Variants in CCDC178 observed in about 807,000 individuals in gnomAD.
The protein encoded by CCDC178 is coiled-coil domain containing 178.
CCDC178 carries 126 observed loss-of-function variants against 117.4 expected under a neutral mutation model. The observed-to-expected ratio is 1.07, with a 90% CI of 0.93 to 1.24. The LOEUF (loss-of-function observed/expected upper bound fraction) is 1.24, where lower values mean the gene tolerates loss of function less well. Among genes scored for constraint, CCDC178 ranks in the 50% most tolerant of loss-of-function variants. The pLI, the probability that CCDC178 is intolerant of heterozygous loss-of-function variation, is 0.00. For synonymous variants in CCDC178, 283 were observed against 313.4 expected (o/e 0.90, Z 1.02); for missense variants, 1,030 against 986.9 (o/e 1.04, Z -0.59).
chr18:33,179,085 A>ATATATATATATATATATATAAAC (rs2058699899), intron 20 of CCDC178, among the ~76,000 whole-genome samples: 1 of 96,814 alleles, frequency 1.0e-5, no homozygotes, highest in Non-Finnish European at 2.0e-5. Context: ...AAAAATATAT[A>ATATATATATATATATATATAAAC]TATATATATA....
intron 21 of CCDC178, among the ~76,000 whole-genome samples, chr18:33,068,135 G>C (rs1459718951): frequency 6.6e-6 from 1 of 151,944 alleles, no homozygotes; most frequent in Non-Finnish European, 1.5e-5. Context: ...TAGAAAACGT[G>C]AACAGATCAA....
At chr18:33,426,545 C>T (rs2064127799) in intron 2 of CCDC178, among the ~76,000 whole-genome samples, 2 of 152,206 alleles carry the variant, frequency 1.3e-5, no homozygotes, top group African/African-American at 4.8e-5. Flanking sequence ...CCACACCAGT[C>T]ATTAAGACAA....
chr18:33,286,964 T>C (rs959493443), intron 12 of CCDC178, among the ~76,000 whole-genome samples: 60 of 152,202 alleles, frequency 3.9e-4, no homozygotes, highest in African/African-American at 1.3e-3. Flanking sequence ...AAATTCTTTG[T>C]TTTACATTTA....
chr18:33,133,964 A>T (rs1463982786), intron 20 of CCDC178, among the ~76,000 whole-genome samples: 1 of 151,934 alleles, frequency 6.6e-6, no homozygotes, highest in Non-Finnish European at 1.5e-5. Context: ...CAAAGAGGAA[A>T]ATCATTAAGT....
chr18:33,307,741 C>T (rs1373548497), intron 11 of CCDC178, among the ~76,000 whole-genome samples: 1 of 152,150 alleles, frequency 6.6e-6, no homozygotes, highest in Non-Finnish European at 1.5e-5. Context: ...GATGTGGTGC[C>T]CTGCATCCCA....
chr18:33,103,725 G>C (rs1038960068), intron 20 of CCDC178, among the ~76,000 whole-genome samples: 4 of 151,684 alleles, frequency 2.6e-5, no homozygotes, highest in African/African-American at 9.7e-5. Flanking sequence ...AATTAAAAGT[G>C]GTTCATAGAG....
At chr18:33,038,022 C>T (rs1029307905) in intron 21 of CCDC178, among the ~76,000 whole-genome samples, 1 of 151,838 alleles carries the variant, frequency 6.6e-6, no homozygotes, top group African/African-American at 2.4e-5. Flanking sequence ...TTAATTATTG[C>T]AAATTATGGA....
chr18:33,286,933 C>T (rs1329041809), intron 12 of CCDC178, among the ~76,000 whole-genome samples: 1 of 151,974 alleles, frequency 6.6e-6, no homozygotes. Context: ...AGACAATAAA[C>T]ATGGGAAAGG....
chr18:33,371,782 T>TAC (rs769582307), intron 5 of CCDC178, among the ~76,000 whole-genome samples: 1,429 of 53,562 alleles, frequency 0.027, 15 homozygotes, highest in Middle Eastern at 0.076. Flanking sequence ...CATAAACATA[T>TAC]ATACACACAC....
chr18:33,229,882 T>C (rs2059350906), intron 15 of CCDC178, among the ~76,000 whole-genome samples: 1 of 152,190 alleles, frequency 6.6e-6, no homozygotes, highest in Non-Finnish European at 1.5e-5. Flanking sequence ...AAATGGAATC[T>C]GCTAGAAACT....
intron 5 of CCDC178, among the ~76,000 whole-genome samples, chr18:33,386,714 C>T (rs751952181): frequency 6.6e-6 from 1 of 151,980 alleles, no homozygotes; most frequent in Non-Finnish European, 1.5e-5. Context: ...AAGGAACATA[C>T]CTCAAAATAA....
chr18:32,975,336 G>T (rs1185215928), intron 21 of CCDC178, among the ~76,000 whole-genome samples: 1 of 152,276 alleles, frequency 6.6e-6, no homozygotes, highest in South Asian at 2.1e-4. Flanking sequence ...TGGATGCGGT[G>T]TTAAGAAGTG....
intron 22 of CCDC178, among the ~76,000 whole-genome samples, chr18:32,964,786 T>C (rs1187536721): frequency 6.6e-6 from 1 of 151,934 alleles, no homozygotes; most frequent in Non-Finnish European, 1.5e-5. Flanking sequence ...CTTCAGAAAA[T>C]ATCCCATAGA....
chr18:32,937,950 T>C lies in CCDC178; in HGVS notation c.*61A>G, dbSNP rs1051962848. The C allele has an allele frequency of 1.8e-5, 24 of 1,298,888 alleles. No homozygotes were observed. Among genetic ancestry groups the C allele is most frequent in the African/African-American group, 4.4e-5 (3 of 67,760 alleles). 80.5% of individuals were successfully genotyped at this position (1,298,888 alleles called of 1,614,324 possible). On this transcript the variant is annotated 3_prime_UTR_variant, in exon 23 of 23. Coordinates refer to ENST00000383096, the MANE Select transcript of CCDC178 (RefSeq NM_001105528.4). The stretch of plus-strand genomic sequence containing the variant: ...AGGTGAATGTCCAATTACACTGTTA[T>C]CTGAACTGTGTGACTTTTCTTGTCT...
chr18:33,293,344 C>T (rs762968731), intron 11 of CCDC178, 32 bp from the exon 12 acceptor site: 1 of 1,303,102 alleles, frequency 7.7e-7, no homozygotes, highest in Non-Finnish European at 1.1e-6. Flanking sequence ...ATTTTATTCA[C>T]ATTAAAAGAA....
intron 18 of CCDC178, 37 bp from the exon 19 acceptor site, chr18:33,215,732 C>T (rs1019673291): frequency 7.1e-7 from 1 of 1,401,832 alleles, no homozygotes; most frequent in Non-Finnish European, 9.6e-7. Flanking sequence ...ATTTTAAATA[C>T]TTGGATTTTC....
chr18:33,058,182 G>A (rs919637517), intron 21 of CCDC178, among the ~76,000 whole-genome samples: 1 of 152,004 alleles, frequency 6.6e-6, no homozygotes, highest in Non-Finnish European at 1.5e-5. Context: ...GAAAACATAC[G>A]TCTACACAAA....
chr18:33,332,137 G>A (rs564691837), intron 10 of CCDC178, among the ~76,000 whole-genome samples: 2 of 152,178 alleles, frequency 1.3e-5, no homozygotes, highest in South Asian at 4.2e-4. Flanking sequence ...GCAGAATATT[G>A]CACCATGTAT....
intron 20 of CCDC178, among the ~76,000 whole-genome samples, chr18:33,112,841 A>G (rs1480863358): frequency 2.6e-5 from 4 of 151,948 alleles, no homozygotes; most frequent in African/African-American, 9.7e-5. Flanking sequence ...TGATGGGGGA[A>G]TTCCTGCATT....
Sources: allele counts gnomAD v4.1 joint callset (sites outside exome capture counted in the v4.1 genomes callset), GRCh38; gene constraint gnomAD v4.1.1; transcripts MANE v1.5; gene names NCBI Gene and HGNC (gene_info 2026-07-23, HGNC 2026-07-21).